CCDC12: variants seen among roughly 807,000 people sequenced by gnomAD.
The protein encoded by CCDC12 is coiled-coil domain containing 12, also known as coiled-coil domain-containing protein 12.
A neutral mutation model predicts 25.7 loss-of-function variants in CCDC12; 28 were observed. That is an observed-to-expected ratio of 1.09 (90% CI 0.81 to 1.50). The LOEUF is 1.50. CCDC12 is among the 40% of genes most tolerant of loss of function. CCDC12 has a pLI of 0.00. For missense variants in CCDC12, 198 were observed against 210.0 expected (o/e 0.94, Z 0.35); for synonymous variants, 75 against 87.7 (o/e 0.86, Z 0.81).
chr3:46,923,757 C>T (rs1206773069), intron 3 of CCDC12, 89 bp from the exon 4 acceptor site: 2 of 1,156,892 alleles, frequency 1.7e-6, no homozygotes, highest in East Asian at 2.9e-5. Flanking sequence ...CAGGGAGAGA[C>T]GGGACCCCAG....
chr3:46,948,396 G>A (rs139435748), intron 1 of CCDC12, among the ~76,000 whole-genome samples: 6 of 152,322 alleles, frequency 3.9e-5, no homozygotes, highest in East Asian at 1.9e-4. Flanking sequence ...AGATAAGGAC[G>A]GGAACTAGGT....
intron 1 of CCDC12, among the ~76,000 whole-genome samples, chr3:46,963,594 C>T (rs540676145): frequency 9.8e-5 from 15 of 152,312 alleles, no homozygotes; most frequent in East Asian, 3.9e-4. Context: ...TGCCTGCGAT[C>T]GCAGGCGCGC....
intron 1 of CCDC12, among the ~76,000 whole-genome samples, chr3:46,944,793 C>A (rs1224138103): frequency 6.6e-6 from 1 of 152,154 alleles, no homozygotes; most frequent in Non-Finnish European, 1.5e-5. Context: ...AATCCACATT[C>A]CTGGCCTCCT....
At chr3:46,963,989 G>C (rs1490550807) in intron 1 of CCDC12, among the ~76,000 whole-genome samples, 1 of 152,088 alleles carries the variant, frequency 6.6e-6, no homozygotes, top group Non-Finnish European at 1.5e-5. Flanking sequence ...CTTCCCGGCC[G>C]CCATCCCATC....
At chr3:46,959,997 T>C (rs2034415119) in intron 1 of CCDC12, among the ~76,000 whole-genome samples, 1 of 152,180 alleles carries the variant, frequency 6.6e-6, no homozygotes, top group Admixed American at 6.5e-5. Context: ...TGTATATCGA[T>C]ACTGGGTTGA....
At chr3:46,949,280 GA>G (rs2034024123) in intron 1 of CCDC12, among the ~76,000 whole-genome samples, 1 of 152,174 alleles carries the variant, frequency 6.6e-6, no homozygotes, top group Admixed American at 6.5e-5. Flanking sequence ...CAGAGGGACG[GA>G]GGGGGAAGAG....
intron 1 of CCDC12, among the ~76,000 whole-genome samples, chr3:46,957,928 G>A (rs540801447): frequency 3.3e-5 from 5 of 149,586 alleles, no homozygotes; most frequent in Non-Finnish European, 7.4e-5. Flanking sequence ...GGCCAACAGA[G>A]CGAGACTCCA....
intron 2 of CCDC12, among the ~76,000 whole-genome samples, chr3:46,929,834 C>G (rs1268944300): frequency 2.0e-5 from 3 of 151,700 alleles, no homozygotes; most frequent in African/African-American, 4.8e-5. Context: ...CAAGAACAGT[C>G]TGGCCAACCA....
intron 1 of CCDC12, among the ~76,000 whole-genome samples, chr3:46,948,298 A>C (rs2033983015): frequency 6.6e-6 from 1 of 152,338 alleles, no homozygotes; most frequent in Middle Eastern, 3.4e-3. Context: ...CTGTGGGTTC[A>C]TGTGTTCCCT....
At chr3:46,944,253 T>C (rs1266449148) in intron 1 of CCDC12, among the ~76,000 whole-genome samples, 1 of 152,158 alleles carries the variant, frequency 6.6e-6, no homozygotes, top group Non-Finnish European at 1.5e-5. Flanking sequence ...ATCCAGGTCG[T>C]CCTGATGCCT....
At position 46,976,621 on chromosome 3, in the gene CCDC12, A is replaced by T; in HGVS notation, c.96+16T>A. ...GCTGGACGCCTCAACTGCGACCCTCACTCCACACTTCTCACCTTGCGCCCG... is the reference window on the plus strand; with the variant it reads ...GCTGGACGCCTCAACTGCGACCCTCTCTCCACACTTCTCACCTTGCGCCCG... On this transcript the variant is annotated intron_variant, in intron 1 of 6. Coordinates refer to ENST00000683445, the MANE Select transcript of CCDC12 (RefSeq NM_001277074.2). The T allele has an allele frequency of 6.2e-7, 1 of 1,602,768 alleles. No homozygotes were observed. Among genetic ancestry groups the T allele is most frequent in the African/African-American group, 1.3e-5 (1 of 74,192 alleles).
intron 1 of CCDC12, among the ~76,000 whole-genome samples, chr3:46,953,062 A>G (rs1217030989): frequency 6.6e-6 from 1 of 152,140 alleles, no homozygotes; most frequent in African/African-American, 2.4e-5. Context: ...TTCTGGTGTC[A>G]TTTCAGAGAG....
At position 46,966,523 on chromosome 3, in the gene CCDC12, A is replaced by G. The variant is rs55843455; in HGVS notation, c.96+10114T>C. Among the ~76,000 whole-genome samples the G allele has an allele frequency of 2.1e-3, 325 of 151,758 alleles. 3 individuals are homozygous for G. The highest frequency in any genetic ancestry group is 7.3e-3 in the African/African-American group (303 of 41,366). ...AGAGTGAGACTCTGTCTCAAAAAAAAAAAGAAAGAAAGAAAGAAAGAACGA... is the reference window on the plus strand; with the variant it reads ...AGAGTGAGACTCTGTCTCAAAAAAAGAAAGAAAGAAAGAAAGAAAGAACGA... On this transcript the variant is annotated intron_variant, in intron 1 of 6. Transcript: ENST00000683445.
intron 2 of CCDC12, among the ~76,000 whole-genome samples, chr3:46,932,310 A>G (rs940372582): frequency 6.6e-6 from 1 of 152,226 alleles, no homozygotes; most frequent in Non-Finnish European, 1.5e-5. Flanking sequence ...AGAGTGGCCT[A>G]AAGTACCACC....
Position 46,973,121 on chromosome 3 carries a change from G to A in CCDC12, c.96+3516C>T, listed in dbSNP as rs376947464. On this transcript the variant is annotated intron_variant, in intron 1 of 6. Coordinates refer to ENST00000683445, the MANE Select transcript of CCDC12 (RefSeq NM_001277074.2). Reference sequence around the variant, plus strand: ...TGTAATCCCAGCACTTTGGGAGGCCGAGGTGGGTGGATCACCTGAGGTCAG... The same window carrying A: ...TGTAATCCCAGCACTTTGGGAGGCCAAGGTGGGTGGATCACCTGAGGTCAG... Among the ~76,000 whole-genome samples, 163 of 151,868 alleles carry A rather than the reference G, an allele frequency of 1.1e-3. 4 individuals are homozygous for A. The South Asian group carries it at 0.032, about 30-fold the overall frequency.
chr3:46,957,826 C>T (rs949221021), intron 1 of CCDC12, among the ~76,000 whole-genome samples: 8 of 151,864 alleles, frequency 5.3e-5, no homozygotes, highest in African/African-American at 1.5e-4. Flanking sequence ...GCCTGTAATC[C>T]CAGCTTCTCG....
chr3:46,943,099 G>A (rs1046699024), intron 1 of CCDC12, among the ~76,000 whole-genome samples: 7 of 152,170 alleles, frequency 4.6e-5, no homozygotes, highest in African/African-American at 1.7e-4. Context: ...CCTCTGCTGG[G>A]GAAGGCAGGC....
At chr3:46,960,080 T>G (rs890442960) in intron 1 of CCDC12, among the ~76,000 whole-genome samples, 3 of 152,072 alleles carry the variant, frequency 2.0e-5, no homozygotes, top group Admixed American at 2.0e-4. Context: ...TCCAAGACAC[T>G]GACAGCTCTC....
At chr3:46,977,661 G>C (rs1485196815), upstream of CCDC12, among the ~76,000 whole-genome samples, 1 of 152,102 alleles carries the variant, frequency 6.6e-6, no homozygotes, top group African/African-American at 2.4e-5. Context: ...CTGACTGTAT[G>C]GCTGTTTCCC....
Sources: allele counts gnomAD v4.1 joint callset (sites outside exome capture counted in the v4.1 genomes callset), GRCh38; gene constraint gnomAD v4.1.1; transcripts MANE v1.5; gene names NCBI Gene and HGNC (gene_info 2026-07-23, HGNC 2026-07-21).